Variants in VPS13A observed in about 807,000 individuals in gnomAD.
VPS13A encodes vacuolar protein sorting 13 homolog A.
In VPS13A, 264 loss-of-function variants were observed where a neutral mutation model predicts 390.9. That is an observed-to-expected ratio of 0.68 (90% CI 0.61 to 0.75). The LOEUF is 0.75. Ranked by LOEUF, VPS13A falls within the 30% of genes least tolerant of loss-of-function variation. VPS13A has a pLI of 0.00. For synonymous variants in VPS13A, 1,231 were observed against 1,227.1 expected (o/e 1.00, Z -0.07); for missense variants, 3,409 against 3,733.9 (o/e 0.91, Z 2.27).
chr9:77,398,766 G>C (rs1451716120), intron 68 of VPS13A, among the ~76,000 whole-genome samples: 3 of 152,082 alleles, frequency 2.0e-5, no homozygotes, highest in African/African-American at 7.2e-5. Flanking sequence ...GCTGTGCGAT[G>C]AGTTATCTTT....
intron 10 of VPS13A, among the ~76,000 whole-genome samples, chr9:77,215,713 C>G (rs1346298895): frequency 6.6e-6 from 1 of 152,220 alleles, no homozygotes; most frequent in Non-Finnish European, 1.5e-5. Flanking sequence ...GAGAGGGTCC[C>G]CCTCCTTCAG....
At chr9:77,403,012 C>T (rs765006932) in intron 68 of VPS13A, among the ~76,000 whole-genome samples, 2 of 152,154 alleles carry the variant, frequency 1.3e-5, no homozygotes, top group Non-Finnish European at 2.9e-5. Flanking sequence ...AAAAGTCTAG[C>T]ATTAAAGGCT....
chr9:77,395,781 C>A (rs1834096394), intron 68 of VPS13A: 1 of 152,068 alleles, frequency 6.6e-6, no homozygotes, highest in African/African-American at 2.4e-5. Flanking sequence ...TTTGGCAAGA[C>A]AAAATCTATT....
At position 77,407,505 on chromosome 9, in the gene VPS13A, T is replaced by C. The variant is rs1182506882; in HGVS notation, c.9400-28T>C. 4 of 1,577,618 alleles carry C rather than the reference T, an allele frequency of 2.5e-6. No homozygotes were observed. In the South Asian group the frequency reaches 3.3e-5, roughly 13 times the overall value. On this transcript the variant is annotated intron_variant, in intron 70 of 71. Coordinates refer to ENST00000360280, the MANE Select transcript of VPS13A (RefSeq NM_033305.3). ...GGATTTTTACAACCAGATTATCTTT[T>C]TAATGAATTTACATATTCTGTTTAT...
intron 68 of VPS13A, among the ~76,000 whole-genome samples, chr9:77,399,199 AAAAAAACAAAG>A (rs1834267218): frequency 6.3e-5 from 7 of 110,332 alleles, no homozygotes; most frequent in South Asian, 6.2e-4. Flanking sequence ...AAAAAAAAAA[AAAAAAACAAAG>A]GATACGGTTG....
At chr9:77,323,531 T>C (rs1261781770) in intron 45 of VPS13A, among the ~76,000 whole-genome samples, 1 of 152,168 alleles carries the variant, frequency 6.6e-6, no homozygotes, top group Non-Finnish European at 1.5e-5. Context: ...ATATCCTTTC[T>C]ATTTGATTAG....
chr9:77,379,026 T>TTCCA (rs1344351248), intron 67 of VPS13A, among the ~76,000 whole-genome samples: 4 of 151,424 alleles, frequency 2.6e-5, no homozygotes, highest in Non-Finnish European at 5.9e-5. Flanking sequence ...TCTAGTTTTC[T>TTCCA]TCCATGTGGT....
chr9:77,306,194 T>G (rs1270188202), intron 34 of VPS13A, among the ~76,000 whole-genome samples: 1 of 152,122 alleles, frequency 6.6e-6, no homozygotes, highest in African/African-American at 2.4e-5. Context: ...AAACACTAAA[T>G]TAGTGTGTCA....
At position 77,209,463 on chromosome 9, in the gene VPS13A, A is replaced by G; in HGVS notation, c.426A>G (p.Lys142=). ...AAAAACAGGACACTTTTGCAGAAAAATTAGTTACACAGATCATAAAAAATC... is the reference window on the plus strand; with the variant it reads ...AAAAACAGGACACTTTTGCAGAAAAGTTAGTTACACAGATCATAAAAAATC... The part of the protein sequence containing the change: ...LPEKQDTFAE[K]LVTQIIKNLQ... The change falls in exon 6 of 72, where the codon AAA becomes AAG. Residue 142 remains lysine (K), a synonymous_variant. Coordinates refer to ENST00000360280, the MANE Select transcript of VPS13A (RefSeq NM_033305.3). The G allele has an allele frequency of 6.2e-7, 1 of 1,612,952 alleles. No individual in the cohort carries two copies. The highest frequency in any genetic ancestry group is 8.5e-7 in the Non-Finnish European group (1 of 1,179,384).
At chr9:77,268,461 G>A (rs867073277) in intron 23 of VPS13A, among the ~76,000 whole-genome samples, 3 of 152,050 alleles carry the variant, frequency 2.0e-5, no homozygotes, top group Admixed American at 6.6e-5. Flanking sequence ...GCTTCAGCTC[G>A]CCCTCCGTTG....
chr9:77,206,850 A>G (rs991023303), intron 5 of VPS13A, among the ~76,000 whole-genome samples: 1 of 150,904 alleles, frequency 6.6e-6, no homozygotes, highest in Non-Finnish European at 1.5e-5. Flanking sequence ...AAATGCATTG[A>G]TTTTCTTTTA....
At chr9:77,284,674 T>A (rs543351992) in intron 31 of VPS13A, among the ~76,000 whole-genome samples, 7 of 152,214 alleles carry the variant, frequency 4.6e-5, no homozygotes, top group Admixed American at 1.3e-4. Context: ...ATCCAACCCA[T>A]TGATTTTTTT....
intron 22 of VPS13A, among the ~76,000 whole-genome samples, chr9:77,254,496 G>A (rs1286585272): frequency 1.3e-5 from 2 of 152,006 alleles, no homozygotes; most frequent in African/African-American, 2.4e-5. Flanking sequence ...TTGTTCTTTC[G>A]ATTGTCTTGG....
intron 59 of VPS13A, among the ~76,000 whole-genome samples, chr9:77,365,039 G>A (rs898290008): frequency 1.3e-5 from 2 of 152,082 alleles, no homozygotes; most frequent in African/African-American, 4.8e-5. Flanking sequence ...ATGCAAAATT[G>A]TTTTCAACAC....
intron 45 of VPS13A, among the ~76,000 whole-genome samples, chr9:77,325,611 A>G (rs1227492152): frequency 1.5e-5 from 2 of 135,898 alleles, no homozygotes; most frequent in African/African-American, 2.8e-5. Context: ...GATTCATTTT[A>G]TTTCCTTGTT....
intron 17 of VPS13A, among the ~76,000 whole-genome samples, chr9:77,237,207 G>T (rs137948964): frequency 1.3e-5 from 2 of 152,016 alleles, no homozygotes; most frequent in East Asian, 3.9e-4. Context: ...TTGAATAAAA[G>T]TTTTTCTGTT....
chr9:77,266,614 T>C (rs932586652), intron 23 of VPS13A, among the ~76,000 whole-genome samples: 3 of 152,174 alleles, frequency 2.0e-5, no homozygotes, highest in Non-Finnish European at 2.9e-5. Context: ...CATTTCAACC[T>C]TGGTGAATCT....
At chr9:77,290,620 T>C (rs1041551296) in intron 31 of VPS13A, among the ~76,000 whole-genome samples, 1 of 152,092 alleles carries the variant, frequency 6.6e-6, no homozygotes, top group Non-Finnish European at 1.5e-5. Context: ...TCTGTTCAAG[T>C]TTTTTCCCCA....
intron 2 of VPS13A, 56 bp from the exon 3 acceptor site, chr9:77,201,309 T>G (rs1589987831): frequency 3.2e-6 from 4 of 1,244,968 alleles, no homozygotes; most frequent in Non-Finnish European, 4.7e-6. Context: ...TATTCATTTA[T>G]GTTGTTAAAC....
Sources: gnomAD v4.1 joint callset for allele counts (sites outside exome capture counted in the v4.1 genomes callset) on GRCh38, gnomAD v4.1.1 for gene constraint, MANE v1.5 for transcripts, NCBI Gene and HGNC (gene_info 2026-07-23, HGNC 2026-07-21) for gene names.